ACTR3C: variants seen among roughly 807,000 people sequenced by gnomAD.
The protein encoded by ACTR3C is actin related protein 3C.
A neutral mutation model predicts 26.3 loss-of-function variants in ACTR3C; 18 were observed. That is an observed-to-expected ratio of 0.68 (90% CI 0.47 to 1.01). ACTR3C has a LOEUF of 1.01. ACTR3C is among the 50% of genes least tolerant of loss of function. The pLI, the probability that ACTR3C is intolerant of heterozygous loss-of-function variation, is 0.00. For synonymous variants in ACTR3C, 55 were observed against 94.5 expected (o/e 0.58, Z 2.42); for missense variants, 184 against 250.7 (o/e 0.73, Z 1.80).
At chr7:150,108,907 A>C in the ACTR3C span, among the ~76,000 whole-genome samples, 14 of 151,798 alleles carry the variant, frequency 9.2e-5, no homozygotes, top group African/African-American at 3.4e-4. Flanking sequence ...AGGCAGCTGC[A>C]AGGTGGGGAA....
At chr7:150,099,767 G>A in the ACTR3C span, among the ~76,000 whole-genome samples, 1 of 151,414 alleles carries the variant, frequency 6.6e-6, no homozygotes, top group Non-Finnish European at 1.5e-5. Context: ...GTCTGGGCCC[G>A]GGCGGCAGAT....
chr7:150,224,766 C>A, the ACTR3C span, among the ~76,000 whole-genome samples: 1 of 152,196 alleles, frequency 6.6e-6, no homozygotes, highest in African/African-American at 2.4e-5. Context: ...TTGTGTTCCA[C>A]CTCCTTGAGG....
At chr7:150,058,658 T>C in the ACTR3C span, among the ~76,000 whole-genome samples, 9 of 152,192 alleles carry the variant, frequency 5.9e-5, no homozygotes, top group Admixed American at 2.6e-4. Context: ...GGCTCACGCC[T>C]GTAATCTCAG....
the ACTR3C span, among the ~76,000 whole-genome samples, chr7:150,025,575 A>G: frequency 6.6e-6 from 1 of 152,028 alleles, no homozygotes; most frequent in Admixed American, 6.5e-5. Flanking sequence ...ATCCTAGAAC[A>G]TAACTTATGT....
chr7:149,936,295 C>G, the ACTR3C span, among the ~76,000 whole-genome samples: 1 of 152,272 alleles, frequency 6.6e-6, no homozygotes, highest in East Asian at 1.9e-4. Context: ...CCACTCCTCA[C>G]CATGCATGAA....
At chr7:150,103,338 T>C in the ACTR3C span, among the ~76,000 whole-genome samples, 1 of 151,764 alleles carries the variant, frequency 6.6e-6, no homozygotes, top group Non-Finnish European at 1.5e-5. Context: ...TAAAATAGAG[T>C]AAAACAAGGT....
At chr7:150,014,378 C>T in the ACTR3C span, among the ~76,000 whole-genome samples, 1 of 150,038 alleles carries the variant, frequency 6.7e-6, no homozygotes, top group African/African-American at 2.5e-5. Context: ...ATGGTGTGAA[C>T]CCGGAAGACA....
chr7:150,266,877 C>T (rs1395927888), intron 6 of ACTR3C, among the ~76,000 whole-genome samples: 1 of 152,216 alleles, frequency 6.6e-6, no homozygotes, highest in African/African-American at 2.4e-5. Context: ...CACACCAAGT[C>T]TGGGTTAAGA....
the ACTR3C span, among the ~76,000 whole-genome samples, chr7:150,058,614 C>T: frequency 1.3e-5 from 2 of 152,050 alleles, no homozygotes; most frequent in African/African-American, 4.8e-5. Context: ...TTGCTGTAGC[C>T]TTTTTGAAAC....
At chr7:150,228,462 T>C in the ACTR3C span, among the ~76,000 whole-genome samples, 1 of 152,202 alleles carries the variant, frequency 6.6e-6, no homozygotes, top group South Asian at 2.1e-4. Flanking sequence ...TTAAGAATCT[T>C]GAGATAGGGA....
the ACTR3C span, among the ~76,000 whole-genome samples, chr7:150,043,146 C>G: frequency 6.6e-6 from 1 of 150,848 alleles, no homozygotes; most frequent in Admixed American, 6.6e-5. Flanking sequence ...GAGCTGCGTT[C>G]GGACCCATGT....
chr7:149,924,174 G>A, the ACTR3C span, among the ~76,000 whole-genome samples: 1 of 150,786 alleles, frequency 6.6e-6, no homozygotes, highest in Non-Finnish European at 1.5e-5. Flanking sequence ...TCAGGGGTTT[G>A]AGACCAGCCT....
At chr7:150,233,769 C>CAT in the ACTR3C span, among the ~76,000 whole-genome samples, 28,506 of 145,316 alleles carry the variant, frequency 0.2, 4,787 homozygotes, top group African/African-American at 0.44. Context: ...AAATCTAAAA[C>CAT]AGTTATTTTA....
At chr7:149,972,886 G>GAGCAGA in the ACTR3C span, among the ~76,000 whole-genome samples, 5 of 152,036 alleles carry the variant, frequency 3.3e-5, no homozygotes, top group African/African-American at 1.2e-4. Flanking sequence ...TAAGCCCCGT[G>GAGCAGA]CGTGGGCGGC....
At chr7:150,323,083 T>C (rs1211793234) in intron 1 of ACTR3C, 1 of 158,704 alleles carries the variant, frequency 6.3e-6, no homozygotes, top group African/African-American at 2.4e-5. Flanking sequence ...CCAACATGTA[T>C]TGAACAAGGG....
In ACTR3C at chr7:150,284,169, A is replaced by G. The variant is rs557930769; in HGVS notation, c.564+584T>C. Among the ~76,000 whole-genome samples the G allele has an allele frequency of 4.6e-5, 7 of 152,330 alleles. No homozygotes were observed. In the South Asian group the frequency reaches 1.0e-3, roughly 23 times the overall value. On this transcript the variant is annotated intron_variant, in intron 6 of 7. Transcript: ENST00000683684. ...GAGGAGGGCATCACTCTTACTTTCC[A>G]TCGATATTTGTGGCTAAAACTGTCC...
the ACTR3C span, among the ~76,000 whole-genome samples, chr7:149,992,861 A>G: frequency 6.6e-6 from 1 of 152,216 alleles, no homozygotes; most frequent in Admixed American, 6.5e-5. Flanking sequence ...GTAGTGGCTC[A>G]GTCCAAGTCC....
the ACTR3C span, among the ~76,000 whole-genome samples, chr7:149,942,754 C>T: frequency 6.7e-6 from 1 of 149,184 alleles, no homozygotes; most frequent in Non-Finnish European, 1.5e-5. Flanking sequence ...TCCCCTAGAC[C>T]TTTTCTTCTT....
At chr7:150,130,974 G>A in the ACTR3C span, among the ~76,000 whole-genome samples, 18 of 152,296 alleles carry the variant, frequency 1.2e-4, no homozygotes, top group Admixed American at 3.3e-4. Flanking sequence ...CCGAGGGCTG[G>A]GGTGTAAAGG....
Sources: gnomAD v4.1 joint callset for allele counts (sites outside exome capture counted in the v4.1 genomes callset) on GRCh38, gnomAD v4.1.1 for gene constraint, MANE v1.5 for transcripts, NCBI Gene and HGNC (gene_info 2026-07-23, HGNC 2026-07-21) for gene names.